Variants in CLDN1 observed in about 807,000 individuals in gnomAD.
The protein encoded by CLDN1 is claudin 1.
A neutral mutation model predicts 22.6 loss-of-function variants in CLDN1; 12 were observed. The observed-to-expected ratio is 0.53, with a 90% CI of 0.34 to 0.86. The LOEUF is 0.86. Ranked by LOEUF, CLDN1 falls within the 40% of genes least tolerant of loss-of-function variation. CLDN1 has a pLI of 0.02. For synonymous variants in CLDN1, 99 were observed against 103.8 expected (o/e 0.95, Z 0.28); for missense variants, 250 against 269.5 (o/e 0.93, Z 0.51).
chr3:190,316,106 C>T (rs547679044), intron 1 of CLDN1, among the ~76,000 whole-genome samples: 61 of 152,238 alleles, frequency 4.0e-4, no homozygotes, highest in African/African-American at 1.4e-3. Flanking sequence ...TGCTAAGAAA[C>T]CTATCAGGTT....
Position 190,307,928 on chromosome 3 carries a change from AT to A in CLDN1, c.*348del, listed in dbSNP as rs1350145995. The stretch of plus-strand genomic sequence containing the variant: ...TTTTAAGTATGCTAGTATCAACATA[AT>A]GAGAATAGTATTTTACTGTCTATTT... On this transcript the variant is annotated 3_prime_UTR_variant, in exon 4 of 4. Coordinates refer to ENST00000295522, the MANE Select transcript of CLDN1 (RefSeq NM_021101.5). 1 of 186,220 alleles carries A rather than the reference AT, an allele frequency of 5.4e-6. No homozygotes were observed. Among genetic ancestry groups the A allele is most frequent in the African/African-American group, 2.4e-5 (1 of 42,110 alleles). The allele number at this position is 186,220 out of a possible 1,614,324, so 11.5% of individuals were successfully genotyped here.
At position 190,312,630 on chromosome 3, in the gene CLDN1, G is replaced by T. The variant is rs570971136; in HGVS notation, c.388+242C>A. 3.3e-5 allele frequency among the ~76,000 whole-genome samples: 5 copies of T among 151,276 alleles called. No individual in the cohort carries two copies. In the East Asian group the frequency reaches 9.6e-4, roughly 29 times the overall value. ...GTGAACAACTTTCTTCACTGGAAGA[G>T]ACTGGTTCTAACAAACCAGTTGCCA... On this transcript the variant is annotated intron_variant, in intron 2 of 3. Coordinates refer to ENST00000295522, the MANE Select transcript of CLDN1 (RefSeq NM_021101.5).
At chr3:190,313,826 T>C (rs1174201736) in intron 1 of CLDN1, among the ~76,000 whole-genome samples, 1 of 152,190 alleles carries the variant, frequency 6.6e-6, no homozygotes, top group Admixed American at 6.5e-5. Context: ...GTGTACTAAC[T>C]CATGATCAAA....
At chr3:190,310,913 A>G (rs1344509655) in intron 2 of CLDN1, among the ~76,000 whole-genome samples, 1 of 152,240 alleles carries the variant, frequency 6.6e-6, no homozygotes, top group Non-Finnish European at 1.5e-5. Flanking sequence ...GAAATCATTT[A>G]GTCAAAATCA....
intron 1 of CLDN1, among the ~76,000 whole-genome samples, chr3:190,316,974 A>AT (rs939191336): frequency 6.6e-6 from 1 of 152,098 alleles, no homozygotes; most frequent in Non-Finnish European, 1.5e-5. Context: ...ATTTTGATCT[A>AT]TTTTTTAAAG....
intron 1 of CLDN1, among the ~76,000 whole-genome samples, chr3:190,321,650 C>T (rs955678315): frequency 1.1e-4 from 17 of 152,284 alleles, no homozygotes; most frequent in African/African-American, 4.1e-4. Flanking sequence ...TACCCCAAAT[C>T]TCGGAATGCC....
intron 1 of CLDN1, among the ~76,000 whole-genome samples, chr3:190,314,549 C>A (rs1389884486): frequency 6.8e-6 from 1 of 146,738 alleles, no homozygotes; most frequent in Non-Finnish European, 1.5e-5. Context: ...CACGAACCAC[C>A]ATGCCTGGCT....
chr3:190,321,617 C>T lies in CLDN1; in HGVS notation c.223+367G>A, dbSNP rs1339640318. Among the ~76,000 whole-genome samples, 9 of 152,312 alleles carry T rather than the reference C, an allele frequency of 5.9e-5. No individual in the cohort carries two copies. In the South Asian group the frequency reaches 1.0e-3, roughly 18 times the overall value. On this transcript the variant is annotated intron_variant, in intron 1 of 3. Coordinates refer to ENST00000295522, the MANE Select transcript of CLDN1 (RefSeq NM_021101.5). ...TTTTTCAGTCATCCCATTTTCTTGT[C>T]TGAACTCTACCAATCCTCAATTTAC...
At position 190,322,149 on chromosome 3, in the gene CLDN1, C is replaced by G. The variant is rs1197576007; in HGVS notation, c.58G>C (p.Gly20Arg). Residue 20 changes from glycine to arginine, a missense_variant, in exon 1 of 4, where the codon GGC (glycine) becomes CGC (arginine). Physicochemically the swap from Gly to Arg is moderately radical, Grantham distance 125 (BLOSUM62 -2). Coordinates refer to ENST00000295522, the MANE Select transcript of CLDN1 (RefSeq NM_021101.5). ...GGCAGGGCAGTGCTGACGATGGCGC[C>G]GATCCATCCCAGGAAGGCGAGAATG... is the stretch of plus-strand genomic sequence containing the variant. ...GFILAFLGWIGAIVSTALPQW... is the reference protein window; with the variant it reads ...GFILAFLGWIRAIVSTALPQW... 6.2e-7 allele frequency: 1 copy of G among 1,614,194 alleles called. No individual in the cohort carries two copies. The highest frequency in any genetic ancestry group is 2.2e-5 in the East Asian group (1 of 44,868).
At chr3:190,320,066 G>A (rs1005210032) in intron 1 of CLDN1, among the ~76,000 whole-genome samples, 3 of 146,428 alleles carry the variant, frequency 2.0e-5, no homozygotes, top group Non-Finnish European at 4.5e-5. Context: ...CATCTCTAAA[G>A]TGTGTGTGGG....
chr3:190,320,264 G>A (rs1198803861), intron 1 of CLDN1, among the ~76,000 whole-genome samples: 3 of 152,182 alleles, frequency 2.0e-5, no homozygotes, highest in African/African-American at 7.2e-5. Context: ...ATTTAAAGAT[G>A]TTGAAAAGGA....
Position 190,313,002 on chromosome 3 carries a change from A to G in CLDN1, c.258T>C (p.Val86=). ...TTGCTATCACTCCCAGGAGGATGCC[A>G]ACCACCATCAAGGCACGGGTTGCTT... The part of the protein sequence containing the change: ...TLQATRALMV[V]GILLGVIAIF... The change falls in exon 2 of 4, where the codon GTT becomes GTC. Residue 86 remains valine, a synonymous_variant. Transcript: ENST00000295522. 1 of 1,614,194 alleles carries G rather than the reference A, an allele frequency of 6.2e-7. No individual in the cohort carries two copies. The highest frequency in any genetic ancestry group is 8.5e-7 in the Non-Finnish European group (1 of 1,180,030).
At position 190,308,436 on chromosome 3, in the gene CLDN1, G is replaced by A. The variant is rs1314386099; in HGVS notation, c.477C>T (p.Tyr159=). Residue 159 remains tyrosine (Y), a synonymous_variant, in exon 4 of 4, where the codon TAC becomes TAT. Transcript: ENST00000295522. ...YDPMTPVNAR[Y]EFGQALFTGW... ...CAGTGAAGAGAGCCTGACCAAATTC[G>A]TACCTAAAAGGAAAAACCCATGTGC... The A allele has an allele frequency of 5.0e-6, 8 of 1,613,304 alleles. No homozygotes were observed. The highest frequency in any genetic ancestry group is 4.4e-5 in the South Asian group (4 of 91,046).
Position 190,322,035 on chromosome 3 carries a change from T to A in CLDN1, c.172A>T (p.Ser58Cys), listed in dbSNP as rs1393518010. 1.9e-6 allele frequency: 3 copies of A among 1,614,096 alleles called. No individual in the cohort carries two copies. Among genetic ancestry groups the A allele is most frequent in the African/African-American group, 1.3e-5 (1 of 74,938 alleles). Residue 58 changes from serine (S) to cysteine (C), a missense_variant, in exon 1 of 4, where the codon AGC becomes TGC. By Grantham distance (112) the Ser-to-Cys change is moderately radical. Coordinates refer to ENST00000295522, the MANE Select transcript of CLDN1 (RefSeq NM_021101.5). ...EGLWMSCVSQSTGQIQCKVFD... is the reference protein window; with the variant it reads ...EGLWMSCVSQCTGQIQCKVFD... ...ACTTTGCACTGGATCTGCCCGGTGC[T>A]CTGCGACACGCAGGACATCCACAGC... is the stretch of plus-strand genomic sequence containing the variant.
rs909794865 is a variant in CLDN1, at chr3:190,306,342, G to A, written c.*1935C>T. On this transcript the variant is annotated 3_prime_UTR_variant, in exon 4 of 4. Transcript: ENST00000295522. ...TTAGTGCACTCAATTTTACTTCACT[G>A]TCTCATCACTTGAGAGACTGGTTAA... 1 of 152,202 alleles carries A rather than the reference G, an allele frequency of 6.6e-6. No individual in the cohort carries two copies. Among genetic ancestry groups the A allele is most frequent in the Non-Finnish European group, 1.5e-5 (1 of 68,034 alleles). 9.4% of individuals were successfully genotyped at this position (152,202 alleles called of 1,614,324 possible).
At chr3:190,320,710 CAAGTT>C (rs1716895096) in intron 1 of CLDN1, among the ~76,000 whole-genome samples, 1 of 152,130 alleles carries the variant, frequency 6.6e-6, no homozygotes, top group Non-Finnish European at 1.5e-5. Context: ...GTAGACAAAA[CAAGTT>C]AAGTAAACTT....
At chr3:190,310,312 C>T in intron 2 of CLDN1, 59 bp from the exon 3 acceptor site, 1 of 1,347,396 alleles carries the variant, frequency 7.4e-7, no homozygotes. Context: ...CCTAAATACA[C>T]AACCTGTTAA....
At chr3:190,318,435 G>A (rs1021606821) in intron 1 of CLDN1, among the ~76,000 whole-genome samples, 5 of 152,128 alleles carry the variant, frequency 3.3e-5, no homozygotes, top group African/African-American at 1.2e-4. Context: ...ACTCATCTTA[G>A]CTGCACCATC....
At chr3:190,311,130 G>A (rs1166573814) in intron 2 of CLDN1, among the ~76,000 whole-genome samples, 1 of 152,076 alleles carries the variant, frequency 6.6e-6, no homozygotes, top group Non-Finnish European at 1.5e-5. Flanking sequence ...TTCTCAAATA[G>A]ACCATGCGAA....
Sources: allele counts gnomAD v4.1 joint callset (sites outside exome capture counted in the v4.1 genomes callset), GRCh38; gene constraint gnomAD v4.1.1; transcripts MANE v1.5; gene names NCBI Gene and HGNC (gene_info 2026-07-23, HGNC 2026-07-21).